Variants in TLN2 observed in about 807,000 individuals in gnomAD.
TLN2 encodes the protein talin 2.
A neutral mutation model predicts 294.7 loss-of-function variants in TLN2; 118 were observed. The observed-to-expected ratio is 0.40, with a 90% CI of 0.34 to 0.47. The LOEUF (loss-of-function observed/expected upper bound fraction) is 0.47, where lower values mean the gene tolerates loss of function less well. TLN2 is among the 20% of genes least tolerant of loss of function. TLN2 has a pLI of 0.84. For missense variants in TLN2, 3,083 were observed against 3,282.2 expected (o/e 0.94, Z 1.48); for synonymous variants, 1,431 against 1,304.5 (o/e 1.10, Z -2.09).
chr15:62,449,699 C>T (rs1430948257), intron 1 of TLN2, among the ~76,000 whole-genome samples: 2 of 152,032 alleles, frequency 1.3e-5, no homozygotes, highest in African/African-American at 4.8e-5. Context: ...TGCTTGAGCC[C>T]AAGGAGATTG....
At chr15:62,609,127 A>G (rs1368520985) in intron 2 of TLN2, among the ~76,000 whole-genome samples, 1 of 152,150 alleles carries the variant, frequency 6.6e-6, no homozygotes, top group African/African-American at 2.4e-5. Context: ...CCCTTGTCAC[A>G]CTGACTGTTC....
Position 62,533,997 on chromosome 15 carries a change from C to T in TLN2, c.-237-55690C>T, listed in dbSNP as rs1249275788. ...ACTTGGCTCTGGGATGGGGTTACTC[C>T]GGTGCTTCCAAATGTTAGTGTGAAT... On this transcript the variant is annotated intron_variant, in intron 1 of 58. Transcript: ENST00000636159. 1.1e-3 allele frequency among the ~76,000 whole-genome samples: 166 copies of T among 152,246 alleles called. 1 individual carries two copies. The highest frequency in any genetic ancestry group is 2.1e-4 in the South Asian group (1 of 4,806).
At chr15:62,502,290 A>G (rs536536302) in intron 1 of TLN2, among the ~76,000 whole-genome samples, 2 of 152,232 alleles carry the variant, frequency 1.3e-5, no homozygotes, top group South Asian at 4.1e-4. Context: ...AGCTTTTCTC[A>G]AATGCTTTCA....
In TLN2 at chr15:62,673,043, C is replaced by T. The variant is rs1448108511; in HGVS notation, c.789-784C>T. 3.5e-5 allele frequency among the ~76,000 whole-genome samples: 5 copies of T among 142,454 alleles called. No homozygotes were observed. The East Asian group carries it at 1.0e-3, about 30-fold the overall frequency. The allele number at this position is 142,454 out of a possible 152,430, so 93.5% of individuals were successfully genotyped here. A position where few individuals can be genotyped will look rare whatever the true frequency, so the allele number is the denominator to read the frequency against. On this transcript the variant is annotated intron_variant, in intron 9 of 58. Transcript: ENST00000636159. ...TATCCTAATTATATGTAACATCCTA[C>T]TTATATATAATGTAATATCCTAATT...
chr15:62,689,482 T>C (rs1302706472), intron 12 of TLN2, among the ~76,000 whole-genome samples: 1 of 152,228 alleles, frequency 6.6e-6, no homozygotes, highest in Non-Finnish European at 1.5e-5. Flanking sequence ...ATTGTTCTTC[T>C]TGCCTTTCTA....
chr15:62,613,664 C>T (rs1038569404), intron 2 of TLN2, among the ~76,000 whole-genome samples: 1 of 152,040 alleles, frequency 6.6e-6, no homozygotes, highest in African/African-American at 2.4e-5. Context: ...CACTCTTTAC[C>T]GTAAGCTTTA....
intron 1 of TLN2, among the ~76,000 whole-genome samples, chr15:62,413,250 A>C (rs1245108664): frequency 6.6e-6 from 1 of 152,178 alleles, no homozygotes; most frequent in Non-Finnish European, 1.5e-5. Flanking sequence ...AAGGTGACAC[A>C]TGGGGTTAGA....
chr15:62,424,599 C>G (rs529987692), intron 1 of TLN2, among the ~76,000 whole-genome samples: 3 of 152,204 alleles, frequency 2.0e-5, no homozygotes, highest in East Asian at 1.9e-4. Flanking sequence ...CTAGCCCCAT[C>G]GCACACAAGT....
intron 3 of TLN2, among the ~76,000 whole-genome samples, 142 bp downstream of exon 3, chr15:62,618,617 G>T (rs1374418264): frequency 6.6e-6 from 1 of 152,192 alleles, no homozygotes; most frequent in Non-Finnish European, 1.5e-5. Context: ...ATCCCCTGGA[G>T]GAAGGAATGA....
At chr15:62,469,561 A>G (rs1445728976) in intron 1 of TLN2, among the ~76,000 whole-genome samples, 2 of 152,186 alleles carry the variant, frequency 1.3e-5, no homozygotes, top group Non-Finnish European at 2.9e-5. Context: ...TAGGGCCTGA[A>G]TGGATGGAGC....
intron 1 of TLN2, among the ~76,000 whole-genome samples, chr15:62,543,667 G>A (rs1387340661): frequency 2.7e-5 from 4 of 150,688 alleles, no homozygotes; most frequent in Non-Finnish European, 4.4e-5. Context: ...AGGCAGAAGA[G>A]TTGCTTGAAC....
At chr15:62,828,526 AC>A in intron 54 of TLN2, 4 of 152,254 alleles carry the variant, frequency 2.6e-5, no homozygotes, top group Admixed American at 2.6e-4. Flanking sequence ...GTAAAATGCC[AC>A]TGTGTTTACA....
intron 1 of TLN2, among the ~76,000 whole-genome samples, chr15:62,457,441 T>C (rs1306234133): frequency 6.6e-6 from 1 of 152,184 alleles, no homozygotes; most frequent in Non-Finnish European, 1.5e-5. Flanking sequence ...AGGGACATGA[T>C]TGAGTTCATA....
At chr15:62,464,101 C>A (rs1201603) in intron 1 of TLN2, among the ~76,000 whole-genome samples, 4 of 152,012 alleles carry the variant, frequency 2.6e-5, no homozygotes, top group Admixed American at 1.3e-4. Context: ...ATAAATCATG[C>A]TACTATGAAG....
chr15:62,393,524 C>T (rs1426725119), intron 1 of TLN2, among the ~76,000 whole-genome samples: 1 of 152,152 alleles, frequency 6.6e-6, no homozygotes. Flanking sequence ...TCCCCTCCTT[C>T]ACCCCTCACT....
chr15:62,738,400 T>G (rs1013257788), intron 30 of TLN2, 67 bp downstream of exon 30: 13 of 1,547,304 alleles, frequency 8.4e-6, no homozygotes, highest in African/African-American at 2.7e-5. Context: ...GAGTGAAGTC[T>G]TCTTCTCTCC....
At chr15:62,518,132 G>C (rs1031107145) in intron 1 of TLN2, among the ~76,000 whole-genome samples, 11 of 151,906 alleles carry the variant, frequency 7.2e-5, no homozygotes, top group Non-Finnish European at 1.6e-4. Context: ...TCCGCCTCCT[G>C]GGTTCAAGCG....
chr15:62,607,334 C>G (rs552140056), intron 2 of TLN2, among the ~76,000 whole-genome samples: 29 of 152,220 alleles, frequency 1.9e-4, no homozygotes, highest in African/African-American at 6.7e-4. Flanking sequence ...CTAGCCCACC[C>G]GCACCACCTC....
intron 9 of TLN2, among the ~76,000 whole-genome samples, chr15:62,668,818 C>G (rs371480469): frequency 1.3e-5 from 2 of 152,196 alleles, no homozygotes; most frequent in African/African-American, 4.8e-5. Context: ...AGGGTTTGGC[C>G]TTCAGAAAAT....
Sources: gnomAD v4.1 joint callset for allele counts (sites outside exome capture counted in the v4.1 genomes callset) on GRCh38, gnomAD v4.1.1 for gene constraint, MANE v1.5 for transcripts, NCBI Gene and HGNC (gene_info 2026-07-23, HGNC 2026-07-21) for gene names.